The following CLYBL variants were observed in gnomAD, a reference collection of about 807,000 sequenced individuals.
The protein encoded by CLYBL is citramalyl-CoA lyase.
In CLYBL, 31 loss-of-function variants were observed where a neutral mutation model predicts 38.9. That is an observed-to-expected ratio of 0.80 (90% confidence interval 0.60 to 1.08). CLYBL has a LOEUF of 1.08. Ranked by LOEUF, CLYBL falls within the 50% of genes least tolerant of loss-of-function variation. The pLI is 0.00. For missense variants in CLYBL, 434 were observed against 411.6 expected (o/e 1.05, Z -0.47); for synonymous variants, 171 against 158.6 (o/e 1.08, Z -0.59).
chr13:99,725,344 A>G lies in CLYBL; in HGVS notation c.63-47480A>G, dbSNP rs142577338. Among the ~76,000 whole-genome samples the G allele has an allele frequency of 3.9e-5, 6 of 152,276 alleles. No homozygotes were observed. In the East Asian group the frequency reaches 9.6e-4, roughly 24 times the overall value. ...TTACTCAGAAGCTCACAGCTTGGGT[A>G]AGTTTCAGGAACTGCTCTCAAGGGG... On this transcript the variant is annotated intron_variant, in intron 1 of 8. Transcript: ENST00000339105.
intron 2 of CLYBL, among the ~76,000 whole-genome samples, chr13:99,833,830 A>G (rs1232318242): frequency 1.3e-5 from 2 of 151,108 alleles, no homozygotes; most frequent in African/African-American, 2.4e-5. Context: ...AGCCTCCCGA[A>G]TAGCTGGGAT....
intron 1 of CLYBL, among the ~76,000 whole-genome samples, chr13:99,614,965 A>G (rs1346312923): frequency 3.3e-5 from 5 of 152,226 alleles, no homozygotes; most frequent in African/African-American, 7.2e-5. Flanking sequence ...CATATTCTGC[A>G]GAATGTTTGA....
chr13:99,711,567 C>T (rs1446991878), intron 1 of CLYBL, among the ~76,000 whole-genome samples: 5 of 151,580 alleles, frequency 3.3e-5, no homozygotes, highest in East Asian at 1.9e-4. Context: ...CCACCACGCC[C>T]GGCTAATTTT....
chr13:99,692,509 G>A (rs964751131), intron 1 of CLYBL, among the ~76,000 whole-genome samples: 1 of 151,916 alleles, frequency 6.6e-6, no homozygotes, highest in African/African-American at 2.4e-5. Context: ...AGCCAGGATG[G>A]TCTTGATCTC....
chr13:99,748,957 T>C (rs1337326535), intron 1 of CLYBL, among the ~76,000 whole-genome samples: 1 of 151,940 alleles, frequency 6.6e-6, no homozygotes, highest in South Asian at 2.1e-4. Flanking sequence ...GGTGTGCGGA[T>C]CACCTGAGGT....
intron 1 of CLYBL, chr13:99,727,158 C>CA (rs199799189): frequency 0.16 from 20,366 of 125,866 alleles, 1,808 homozygotes; most frequent in East Asian, 0.46. Flanking sequence ...GACTTCATCT[C>CA]AAAAAAAAAA....
At chr13:99,700,507 C>G (rs774136692) in intron 1 of CLYBL, among the ~76,000 whole-genome samples, 41 of 152,166 alleles carry the variant, frequency 2.7e-4, no homozygotes, top group Non-Finnish European at 5.1e-4. Context: ...TGTAAACAAC[C>G]CAGGTTGGAC....
At chr13:99,881,162 CATG>C (rs1355512835) in intron 7 of CLYBL, among the ~76,000 whole-genome samples, 1 of 152,164 alleles carries the variant, frequency 6.6e-6, no homozygotes, top group Non-Finnish European at 1.5e-5. Flanking sequence ...GTCTGAATTC[CATG>C]ATAGGTAACC....
At chr13:99,729,668 C>A (rs1019000699) in intron 1 of CLYBL, among the ~76,000 whole-genome samples, 1 of 152,208 alleles carries the variant, frequency 6.6e-6, no homozygotes, top group African/African-American at 2.4e-5. Flanking sequence ...CTGAAAAATT[C>A]TTTTCCTTTC....
intron 2 of CLYBL, among the ~76,000 whole-genome samples, chr13:99,795,461 C>T (rs186868021): frequency 2.0e-5 from 3 of 152,112 alleles, no homozygotes; most frequent in African/African-American, 7.2e-5. Flanking sequence ...CAAGATCAGC[C>T]TGGGCAACAT....
chr13:99,844,128 A>G (rs1480124312), intron 2 of CLYBL, among the ~76,000 whole-genome samples: 1 of 151,650 alleles, frequency 6.6e-6, no homozygotes, highest in Non-Finnish European at 1.5e-5. Flanking sequence ...AGCAGAAAAC[A>G]AAACAGTTTA....
At chr13:99,681,745 C>T (rs1009031971) in intron 1 of CLYBL, among the ~76,000 whole-genome samples, 3 of 152,030 alleles carry the variant, frequency 2.0e-5, no homozygotes, top group African/African-American at 7.3e-5. Flanking sequence ...TGCCACGACG[C>T]CTGGTTACTT....
intron 2 of CLYBL, among the ~76,000 whole-genome samples, chr13:99,839,840 T>C (rs1223173797): frequency 6.6e-6 from 1 of 152,164 alleles, no homozygotes; most frequent in Admixed American, 6.5e-5. Flanking sequence ...AATCCAGTTA[T>C]ACCCTTCTAG....
At chr13:99,655,016 C>G (rs557427506) in intron 1 of CLYBL, among the ~76,000 whole-genome samples, 1 of 152,204 alleles carries the variant, frequency 6.6e-6, no homozygotes, top group South Asian at 2.1e-4. Flanking sequence ...GAAGAACCCC[C>G]TTCCCCACCA....
chr13:99,907,650 G>C lies in CLYBL; in HGVS notation c.*161-405G>C, dbSNP rs764307774. ...AACCAGGAGGATTGCCTGAGGCCAA[G>C]AGTTCAAAACCAGCCTGGCAACGTA... On this transcript the variant is annotated intron_variant and NMD_transcript_variant, in intron 9 of 9. Coordinates refer to the CLYBL transcript ENST00000689673. Among the ~76,000 whole-genome samples, 51 of 152,202 alleles carry C rather than the reference G, an allele frequency of 3.4e-4. 1 individual carries two copies. The highest frequency in any genetic ancestry group is 1.2e-3 in the African/African-American group (51 of 41,520).
At chr13:99,815,381 G>C (rs1393185207) in intron 2 of CLYBL, among the ~76,000 whole-genome samples, 1 of 152,064 alleles carries the variant, frequency 6.6e-6, no homozygotes, top group African/African-American at 2.4e-5. Context: ...AAAATAGCGA[G>C]ACTCCATCTC....
chr13:99,722,710 C>T (rs2048413149), intron 1 of CLYBL, among the ~76,000 whole-genome samples: 1 of 152,164 alleles, frequency 6.6e-6, no homozygotes, highest in South Asian at 2.1e-4. Context: ...GTAGAGAGTT[C>T]CCAGTGAAAA....
At position 99,845,616 on chromosome 13, in the gene CLYBL, G is replaced by A. The variant is rs531245939; in HGVS notation, c.250-13245G>A. Among the ~76,000 whole-genome samples, 8 of 152,216 alleles carry A rather than the reference G, an allele frequency of 5.3e-5. No homozygotes were observed. The South Asian group carries it at 8.3e-4, about 16-fold the overall frequency. On this transcript the variant is annotated intron_variant, in intron 2 of 8. Coordinates refer to ENST00000339105, the MANE Select transcript of CLYBL (RefSeq NM_206808.5). The stretch of plus-strand genomic sequence containing the variant: ...GGAAAACATTTAATTATAGAAGATC[G>A]GAAGCTCCCAGTGTTTGTGAGCTAG...
chr13:99,822,115 T>C lies in CLYBL; in HGVS notation c.250-36746T>C, dbSNP rs149428312. Among the ~76,000 whole-genome samples the C allele has an allele frequency of 6.6e-5, 10 of 152,304 alleles. No individual in the cohort carries two copies. The East Asian group carries it at 1.9e-3, about 29-fold the overall frequency. ...AGCCCTAGTCAAGCCACCAGATAACTGTACCCACATAAGTGACCCCTGGCG... is the reference window on the plus strand; with the variant it reads ...AGCCCTAGTCAAGCCACCAGATAACCGTACCCACATAAGTGACCCCTGGCG... On this transcript the variant is annotated intron_variant, in intron 2 of 8. Transcript: ENST00000339105.
Sources: gnomAD v4.1 joint callset for allele counts (sites outside exome capture counted in the v4.1 genomes callset) on GRCh38, gnomAD v4.1.1 for gene constraint, MANE v1.5 for transcripts, NCBI Gene and HGNC (gene_info 2026-07-23, HGNC 2026-07-21) for gene names.